UBXN2A: variants seen among roughly 807,000 people sequenced by gnomAD.
UBXN2A encodes the protein UBX domain protein 2A.
A neutral mutation model predicts 28.4 loss-of-function variants in UBXN2A; 28 were observed. The ratio of observed to expected loss-of-function variants is 0.99; its 90% confidence interval spans 0.73 to 1.35. UBXN2A has a LOEUF of 1.35. UBXN2A is among the 40% of genes most tolerant of loss of function. The pLI, the probability that UBXN2A is intolerant of heterozygous loss-of-function variation, is 0.00. For synonymous variants in UBXN2A, 97 were observed against 103.6 expected, an observed-to-expected ratio of 0.94 and a Z score of 0.39; for missense variants, 253 against 297.9, an observed-to-expected ratio of 0.85 and a Z score of 1.11.
At chr2:23,938,388 C>T (rs1705598073), upstream of UBXN2A, among the ~76,000 whole-genome samples, 2 of 152,114 alleles carry the variant, frequency 1.3e-5, no homozygotes, top group Non-Finnish European at 2.9e-5. Context: ...ATCACTAGAA[C>T]CTGGGAGGCG....
At position 23,974,635 on chromosome 2, in the gene UBXN2A, C is replaced by T. The variant is rs535306877; in HGVS notation, c.181-2334C>T. On this transcript the variant is annotated intron_variant, in intron 3 of 6. Coordinates refer to ENST00000309033, the MANE Select transcript of UBXN2A (RefSeq NM_181713.4). ...TGCTGGGATTACAGACGCGAGCCAC[C>T]GCGCCTGGCCTTAACCAACTTTTTA... 1.4e-4 allele frequency among the ~76,000 whole-genome samples: 21 copies of T among 152,264 alleles called. 1 individual carries two copies. The South Asian group carries it at 3.9e-3, about 29-fold the overall frequency.
At chr2:23,994,329 A>G (rs1415243764) in intron 6 of UBXN2A, among the ~76,000 whole-genome samples, 2 of 152,114 alleles carry the variant, frequency 1.3e-5, no homozygotes, top group African/African-American at 2.4e-5. Flanking sequence ...TCTTGGATCC[A>G]TAGTTAAGGT....
intron 1 of UBXN2A, among the ~76,000 whole-genome samples, chr2:23,950,450 C>G (rs1252704714): frequency 6.6e-6 from 1 of 152,082 alleles, no homozygotes; most frequent in Non-Finnish European, 1.5e-5. Context: ...GTTGTCCACG[C>G]TGGAGTGCAG....
intron 2 of UBXN2A, among the ~76,000 whole-genome samples, chr2:23,969,673 T>G (rs1331880543): frequency 6.6e-6 from 1 of 152,112 alleles, no homozygotes; most frequent in African/African-American, 2.4e-5. Flanking sequence ...TCCAAAACAT[T>G]TTTAAAATTC....
chr2:23,971,032 A>G (rs72851395), intron 2 of UBXN2A, among the ~76,000 whole-genome samples: 7 of 152,282 alleles, frequency 4.6e-5, no homozygotes, highest in African/African-American at 1.7e-4. Context: ...TCTCCAGTGC[A>G]CAGGACACCT....
chr2:23,977,194 C>A, intron 4 of UBXN2A, 119 bp downstream of exon 4: 1 of 685,182 alleles, frequency 1.5e-6, no homozygotes, highest in African/African-American at 1.8e-5. Flanking sequence ...CAGACCTCAT[C>A]TCTACTTAAA....
At chr2:23,989,398 A>C (rs1421772504) in intron 6 of UBXN2A, among the ~76,000 whole-genome samples, 1 of 148,348 alleles carries the variant, frequency 6.7e-6, no homozygotes, top group African/African-American at 2.5e-5. Context: ...CCACCTCCCC[A>C]GACTCAGGTG....
intron 2 of UBXN2A, among the ~76,000 whole-genome samples, chr2:23,968,685 A>AC (rs1409205670): frequency 1.3e-5 from 2 of 151,682 alleles, no homozygotes; most frequent in Non-Finnish European, 2.9e-5. Flanking sequence ...GAAAAAAAAA[A>AC]AAAACAGTAT....
In UBXN2A at chr2:24,001,440, C is replaced by T. The variant is rs1708722517; in HGVS notation, c.*1573C>T. On this transcript the variant is annotated 3_prime_UTR_variant, in exon 7 of 7. Transcript: ENST00000309033. ...TTCACTGTCAGATTAAATCCCCATA[C>T]CTGAAAATAAGTTTAACATTTTTTT... 1 of 152,120 alleles carries T rather than the reference C, an allele frequency of 6.6e-6. No homozygotes were observed. Among genetic ancestry groups the T allele is most frequent in the Non-Finnish European group, 1.5e-5 (1 of 68,028 alleles). The allele number at this position is 152,120 out of a possible 1,614,324, so 9.4% of individuals were successfully genotyped here.
At chr2:23,969,267 T>C (rs1707308886) in intron 2 of UBXN2A, among the ~76,000 whole-genome samples, 2 of 152,200 alleles carry the variant, frequency 1.3e-5, no homozygotes, top group African/African-American at 2.4e-5. Flanking sequence ...CTGGATACAG[T>C]GGCTCACACC....
At position 23,971,180 on chromosome 2, in the gene UBXN2A, G is replaced by A. The variant is rs116026861; in HGVS notation, c.42-96G>A. 1.4e-4 allele frequency: 182 copies of A among 1,325,378 alleles called. No homozygotes were observed. In the African/African-American group the frequency reaches 2.2e-3, roughly 16 times the overall value. 82.1% of individuals were successfully genotyped at this position (1,325,378 alleles called of 1,614,324 possible). ...GAGGGCCTGAACTACAGACATGCAC[G>A]TAGCATCTAAGTTCAATATCCTTAA... is the stretch of plus-strand genomic sequence containing the variant. On this transcript the variant is annotated intron_variant, in intron 2 of 6. Coordinates refer to ENST00000309033, the MANE Select transcript of UBXN2A (RefSeq NM_181713.4).
chr2:23,950,743 G>A (rs1393514411), intron 1 of UBXN2A, among the ~76,000 whole-genome samples: 1 of 144,694 alleles, frequency 6.9e-6, no homozygotes, highest in African/African-American at 2.9e-5. Context: ...TTGCTCTTAC[G>A]CCCAGGCTGG....
At chr2:23,959,809 C>T (rs1706812934) in intron 2 of UBXN2A, among the ~76,000 whole-genome samples, 1 of 152,076 alleles carries the variant, frequency 6.6e-6, no homozygotes, top group South Asian at 2.1e-4. Flanking sequence ...GGAGATGAGC[C>T]TAGAGTTTTT....
At chr2:23,966,052 A>G (rs72798418) in intron 2 of UBXN2A, among the ~76,000 whole-genome samples, 18,312 of 152,156 alleles carry the variant, frequency 0.12, 1,192 homozygotes, top group Middle Eastern at 0.22. Context: ...ACACTCATCA[A>G]AAGTGAAACA....
At chr2:23,964,164 T>C (rs1707061713) in intron 2 of UBXN2A, among the ~76,000 whole-genome samples, 1 of 150,692 alleles carries the variant, frequency 6.6e-6, no homozygotes, top group Admixed American at 6.6e-5. Context: ...CGAAAAGAGA[T>C]GAATGGGTAA....
Position 24,001,377 on chromosome 2 carries a change from A to G in UBXN2A, c.*1510A>G, listed in dbSNP as rs2150930237. The G allele has an allele frequency of 6.6e-6, 1 of 152,316 alleles. No individual in the cohort carries two copies. The highest frequency in any genetic ancestry group is 1.9e-4 in the East Asian group (1 of 5,188). The allele number at this position is 152,316 out of a possible 1,614,324, so 9.4% of individuals were successfully genotyped here. ...TATCACGAAGAAAAACAGGCTTTATATCTCAGACTTTAACTAAATCCAGTT... is the reference window on the plus strand; with the variant it reads ...TATCACGAAGAAAAACAGGCTTTATGTCTCAGACTTTAACTAAATCCAGTT... On this transcript the variant is annotated 3_prime_UTR_variant, in exon 7 of 7. Transcript: ENST00000309033.
chr2:23,955,134 T>A (rs927140104), intron 1 of UBXN2A, among the ~76,000 whole-genome samples: 5 of 152,072 alleles, frequency 3.3e-5, no homozygotes, highest in Admixed American at 3.3e-4. Flanking sequence ...GGTTTCACCT[T>A]GCTGTCCAGA....
intron 1 of UBXN2A, chr2:23,943,932 C>A: frequency 2.3e-6 from 1 of 428,130 alleles, no homozygotes. Context: ...AAATGCTGTT[C>A]CTTTGGGAAT....
At chr2:23,928,901 G>A (rs1346387822) in intron 1 of UBXN2A, among the ~76,000 whole-genome samples, 1 of 152,144 alleles carries the variant, frequency 6.6e-6, no homozygotes, top group Admixed American at 6.5e-5. Flanking sequence ...CTTAATGGGT[G>A]GGATTCCTCA....
Sources: allele counts gnomAD v4.1 joint callset (sites outside exome capture counted in the v4.1 genomes callset), GRCh38; gene constraint gnomAD v4.1.1; transcripts MANE v1.5; gene names NCBI Gene and HGNC (gene_info 2026-07-23, HGNC 2026-07-21).